Variants in TLL1 observed in about 807,000 individuals in gnomAD.
The protein encoded by TLL1 is tolloid like 1, also known as tolloid-like protein 1.
TLL1 carries 49 observed loss-of-function variants against 128.2 expected under a neutral mutation model. That is an observed-to-expected ratio of 0.38 (90% CI 0.30 to 0.48). TLL1 has a LOEUF of 0.48. Among genes scored for constraint, TLL1 ranks in the 20% least tolerant of loss-of-function variants. The pLI is 0.96. For synonymous variants in TLL1, 454 were observed against 418.8 expected (o/e 1.08, Z -1.03); for missense variants, 1,123 against 1,242.0 (o/e 0.90, Z 1.44).
chr4:166,015,128 A>G (rs73863522), intron 8 of TLL1, among the ~76,000 whole-genome samples: 2,760 of 152,180 alleles, frequency 0.018, 73 homozygotes, highest in African/African-American at 0.061. Flanking sequence ...CTAAGGGAGC[A>G]CTATGCCTTA....
intron 16 of TLL1, among the ~76,000 whole-genome samples, chr4:166,074,469 A>G (rs1275192991): frequency 6.6e-6 from 1 of 151,838 alleles, no homozygotes; most frequent in Non-Finnish European, 1.5e-5. Context: ...ATTGAAGGAT[A>G]TCCCTCTACT....
At chr4:166,100,208 C>T (rs920349800) in intron 20 of TLL1, among the ~76,000 whole-genome samples, 2 of 152,078 alleles carry the variant, frequency 1.3e-5, no homozygotes, top group African/African-American at 2.4e-5. Context: ...GTTTTTCAAA[C>T]GTCTACCAGT....
intron 16 of TLL1, among the ~76,000 whole-genome samples, chr4:166,072,755 C>T (rs1328253103): frequency 1.3e-5 from 2 of 151,988 alleles, no homozygotes; most frequent in African/African-American, 4.8e-5. Context: ...TTGAATAACA[C>T]TTGTGTTCAC....
rs1817311 is a variant in TLL1, at chr4:165,892,075, G to A, written c.169+18002G>A. Among the ~76,000 whole-genome samples, 717 of 152,244 alleles carry A rather than the reference G, an allele frequency of 4.7e-3. 5 individuals carry two copies. Among genetic ancestry groups the A allele is most frequent in the East Asian group, 0.047 (241 of 5,178 alleles). On this transcript the variant is annotated intron_variant, in intron 1 of 20. Transcript: ENST00000061240. ...GCAAACACATCCTTCTTCAAATGGCGGCAGCACGGAGAAGTGCAGAGTGAA... is the reference window on the plus strand; with the variant it reads ...GCAAACACATCCTTCTTCAAATGGCAGCAGCACGGAGAAGTGCAGAGTGAA...
Position 166,099,536 on chromosome 4 carries a change from A to AC in TLL1, c.2907+11dup. The stretch of plus-strand genomic sequence containing the variant: ...GATTCTGTGGATCCGGGGTAAATAT[A>AC]CCACCAACAGAATACCCTAGACATG... On this transcript the variant is annotated intron_variant, in intron 20 of 20. Transcript: ENST00000061240. 6.2e-7 allele frequency: 1 copy of AC among 1,612,710 alleles called. No individual in the cohort carries two copies. Among genetic ancestry groups the AC allele is most frequent in the Non-Finnish European group, 8.5e-7 (1 of 1,179,410 alleles).
At chr4:166,018,263 A>G (rs1183048025) in intron 8 of TLL1, among the ~76,000 whole-genome samples, 1 of 152,072 alleles carries the variant, frequency 6.6e-6, no homozygotes, top group Non-Finnish European at 1.5e-5. Flanking sequence ...ATGAAACTGG[A>G]CTCTATCTTT....
chr4:166,074,728 T>C, intron 16 of TLL1, 150 bp from the exon 17 acceptor site: 1 of 902,440 alleles, frequency 1.1e-6, no homozygotes, highest in Non-Finnish European at 1.7e-6. Context: ...AACTAAGAGA[T>C]CATACATTTT....
intron 10 of TLL1, among the ~76,000 whole-genome samples, chr4:166,039,789 G>A (rs1389467877): frequency 6.6e-6 from 1 of 152,054 alleles, no homozygotes; most frequent in Non-Finnish European, 1.5e-5. Context: ...AAAACTAATT[G>A]TGGGTGTTCA....
At position 165,990,623 on chromosome 4, in the gene TLL1, C is replaced by T. The variant is rs1325795579; in HGVS notation, c.280+1132C>T. On this transcript the variant is annotated intron_variant, in intron 2 of 20. Coordinates refer to ENST00000061240, the MANE Select transcript of TLL1 (RefSeq NM_012464.5). ...TTGTGTGTGTGTGCATACATGCATA[C>T]GTGTGTTTAAAACAAATTTGAAGTC... 5.3e-5 allele frequency among the ~76,000 whole-genome samples: 8 copies of T among 151,574 alleles called. No individual in the cohort carries two copies. The East Asian group carries it at 5.8e-4, about 11-fold the overall frequency.
intron 18 of TLL1, among the ~76,000 whole-genome samples, chr4:166,087,432 A>AT (rs1741574725): frequency 6.6e-6 from 1 of 152,092 alleles, no homozygotes; most frequent in South Asian, 2.1e-4. Flanking sequence ...CCATGACGCC[A>AT]TTTTTTTCCA....
chr4:165,955,625 G>A (rs1024497373), intron 1 of TLL1, among the ~76,000 whole-genome samples: 8 of 152,074 alleles, frequency 5.3e-5, no homozygotes, highest in African/African-American at 1.7e-4. Flanking sequence ...AAGAGACTGG[G>A]GACCTATATT....
intron 1 of TLL1, among the ~76,000 whole-genome samples, chr4:165,950,548 G>A (rs28826006): frequency 0.023 from 3,501 of 152,022 alleles, 135 homozygotes; most frequent in African/African-American, 0.079. Context: ...TTAAAAAATC[G>A]AAATTATTCA....
At chr4:165,992,367 C>A (rs868053148) in intron 2 of TLL1, among the ~76,000 whole-genome samples, 2 of 152,020 alleles carry the variant, frequency 1.3e-5, no homozygotes, top group African/African-American at 4.8e-5. Flanking sequence ...ACATGCATTA[C>A]ACATTTGCTC....
intron 17 of TLL1, among the ~76,000 whole-genome samples, chr4:166,076,733 A>G (rs1160938387): frequency 6.6e-6 from 1 of 152,200 alleles, no homozygotes; most frequent in Non-Finnish European, 1.5e-5. Flanking sequence ...AACCCTTGTC[A>G]TGACTGGATC....
chr4:166,028,440 C>T (rs1306416302), intron 9 of TLL1, among the ~76,000 whole-genome samples: 1 of 151,946 alleles, frequency 6.6e-6, no homozygotes, highest in African/African-American at 2.4e-5. Flanking sequence ...CTGATATGAC[C>T]TTGGAAGTGA....
intron 1 of TLL1, among the ~76,000 whole-genome samples, chr4:165,901,953 G>C (rs1732011861): frequency 6.6e-6 from 1 of 152,198 alleles, no homozygotes; most frequent in Non-Finnish European, 1.5e-5. Flanking sequence ...CAGAGAGGAG[G>C]AATCTAGAGA....
At chr4:166,091,068 T>G in intron 18 of TLL1, 60 bp from the exon 19 acceptor site, 1 of 1,448,624 alleles carries the variant, frequency 6.9e-7, no homozygotes, top group Non-Finnish European at 9.5e-7. Flanking sequence ...GTCCCAAAAA[T>G]TATCTCATTT....
intron 1 of TLL1, among the ~76,000 whole-genome samples, chr4:165,882,431 A>G (rs550303690): frequency 6.6e-6 from 1 of 152,122 alleles, no homozygotes; most frequent in African/African-American, 2.4e-5. Flanking sequence ...TTTTCTACCT[A>G]AGACCTAGTG....
chr4:166,059,901 G>C, intron 14 of TLL1, 127 bp from the exon 15 acceptor site: 1 of 1,160,830 alleles, frequency 8.6e-7, no homozygotes, highest in Non-Finnish European at 1.3e-6. Flanking sequence ...TGCCATTTCT[G>C]GATTTTAAAA....
Sources: allele counts gnomAD v4.1 joint callset (sites outside exome capture counted in the v4.1 genomes callset), GRCh38; gene constraint gnomAD v4.1.1; transcripts MANE v1.5; gene names NCBI Gene and HGNC (gene_info 2026-07-23, HGNC 2026-07-21).